The following HK3 variants were observed in gnomAD, a reference collection of about 807,000 sequenced individuals.
HK3 encodes hexokinase-3.
HK3 carries 93 observed loss-of-function variants against 91.0 expected under a neutral mutation model. That is an observed-to-expected ratio of 1.02 (90% CI 0.86 to 1.21). The LOEUF is 1.21. HK3 is among the 50% of genes most tolerant of loss of function. HK3 has a pLI of 0.00. For synonymous variants in HK3, 519 were observed against 516.9 expected, an observed-to-expected ratio of 1.00 and a Z score of -0.06; for missense variants, 1,235 against 1,247.4, an observed-to-expected ratio of 0.99 and a Z score of 0.15.
chr5:176,891,306 G>T (rs1334604055), intron 3 of HK3, 82 bp downstream of exon 3: 4 of 1,606,102 alleles, frequency 2.5e-6, no homozygotes, highest in South Asian at 1.1e-5. Context: ...AGAGATGGGG[G>T]ACAGGAATAA....
In HK3 at chr5:176,884,736, A is replaced by T. The variant is rs1358334496; in HGVS notation, c.1858-602T>A. On this transcript the variant is annotated intron_variant, in intron 13 of 18. Transcript: ENST00000292432. This position sits in a 1 kb window ranked among gnomAD's most constrained non-coding sequence, Gnocchi z 4.1. ...ACTTAAACTTAGTGACACGGGGCTC[A>T]ACTTTACCTGGAAAGGAATGCTGTT... 2.0e-5 allele frequency among the ~76,000 whole-genome samples: 3 copies of T among 152,182 alleles called. No homozygotes were observed. Among genetic ancestry groups the T allele is most frequent in the African/African-American group, 7.2e-5 (3 of 41,428 alleles).
rs777398682 is a variant in HK3 at position 176,890,957 on chromosome 5, G to T, written c.415-16C>A. 3.7e-6 allele frequency: 6 copies of T among 1,614,014 alleles called. No homozygotes were observed. The highest frequency in any genetic ancestry group is 4.2e-6 in the Non-Finnish European group (5 of 1,180,036). On this transcript the variant is annotated splice_polypyrimidine_tract_variant and intron_variant, in intron 4 of 18. Coordinates refer to ENST00000292432, the MANE Select transcript of HK3 (RefSeq NM_002115.3). ...AGTCAAAGAGCTGCAGGAGAAGTGG[G>T]GGGGCTCAGCCTTGCCCATCTGAGC...
At chr5:176,893,531 C>T (rs991340510) in intron 2 of HK3, among the ~76,000 whole-genome samples, 3 of 152,096 alleles carry the variant, frequency 2.0e-5, no homozygotes, top group Non-Finnish European at 2.9e-5. Context: ...CTGAGGGCCA[C>T]GAGGAGCACC....
At position 176,881,530 on chromosome 5, in the gene HK3, C is replaced by T. The variant is rs540302092; in HGVS notation, c.2399G>A (p.Ser800Asn). 5.0e-6 allele frequency: 8 copies of T among 1,602,092 alleles called. No homozygotes were observed. The East Asian group carries it at 1.6e-4, about 31-fold the overall frequency. Reference protein sequence around the residue: ...TKFLSEIESDSLALRQVRAIL... With the variant: ...TKFLSEIESDNLALRQVRAIL... ...GGCTCGGACCTGCCGCAGGGCCAGG[C>T]TGTCACTGGGGGCCAGGAAGGAAGA... Residue 800 changes from serine (S) to asparagine (N), a missense_variant, in exon 18 of 19, where the codon AGC becomes AAC. Ser to Asn is a conservative substitution (Grantham distance 46). Coordinates refer to ENST00000292432, the MANE Select transcript of HK3 (RefSeq NM_002115.3).
chr5:176,889,578 C>G lies in HK3; in HGVS notation c.731-14G>C. 2 of 1,614,136 alleles carry G rather than the reference C, an allele frequency of 1.2e-6. No homozygotes were observed. The highest frequency in any genetic ancestry group is 1.7e-6 in the Non-Finnish European group (2 of 1,179,956). On this transcript the variant is annotated splice_polypyrimidine_tract_variant and intron_variant, in intron 7 of 18. Coordinates refer to ENST00000292432, the MANE Select transcript of HK3 (RefSeq NM_002115.3). ...TGGTGCCCGTGTCTGGCAGAGACAA[C>G]CCTGTCAAGGCCTGCTAGCCAGGCA... is the stretch of plus-strand genomic sequence containing the variant.
chr5:176,881,186 C>G lies in HK3; in HGVS notation c.2659G>C (p.Glu887Gln), dbSNP rs945052976. Residue 887 changes from glutamate (E) to glutamine (Q), a missense_variant, in exon 19 of 19, where the codon GAG becomes CAG. Physicochemically the swap from Glu to Gln is conservative, Grantham distance 29. Coordinates refer to ENST00000292432, the MANE Select transcript of HK3 (RefSeq NM_002115.3). ...FSSLVAATVRELAPRCVVTFL... is the reference protein window; with the variant it reads ...FSSLVAATVRQLAPRCVVTFL... ...GTGACCACACAGCGAGGGGCCAGCT[C>G]CCGCACTGTGGCCGCCACCAGGCTG... 1 of 1,613,158 alleles carries G rather than the reference C, an allele frequency of 6.2e-7. No homozygotes were observed. The highest frequency in any genetic ancestry group is 8.5e-7 in the Non-Finnish European group (1 of 1,179,950).
chr5:176,898,491 A>C (rs1049393394), intron 1 of HK3, among the ~76,000 whole-genome samples: 5 of 124,418 alleles, frequency 4.0e-5, no homozygotes, highest in African/African-American at 2.3e-4. Flanking sequence ...TAAGGGCTAC[A>C]CACGTGTCTT....
chr5:176,890,858 G>A lies in HK3; in HGVS notation c.498C>T (p.Ser166=). Residue 166 remains serine (S), a synonymous_variant, in exon 5 of 19, where the codon AGC becomes AGT. Transcript: ENST00000292432. The stretch of plus-strand genomic sequence containing the variant: ...CCGTCTGGTGACAAGGGAAAGAGAA[G>A]CTGAAGCCAAGCTGCAGACCCTGTT... ...VNKQGLQLGF[S]FSFPCHQTGL... is the part of the protein sequence containing the mutation. The A allele has an allele frequency of 1.2e-6, 2 of 1,614,136 alleles. No individual in the cohort carries two copies. Among genetic ancestry groups the A allele is most frequent in the South Asian group, 1.1e-5 (1 of 91,090 alleles).
intron 2 of HK3, among the ~76,000 whole-genome samples, chr5:176,893,032 G>A (rs1561685578): frequency 6.6e-6 from 1 of 152,204 alleles, no homozygotes; most frequent in Non-Finnish European, 1.5e-5. Flanking sequence ...TGCAGACCCT[G>A]TTTGCTCACA....
At position 176,891,524 on chromosome 5, in the gene HK3, C is replaced by T. The variant is rs964572283; in HGVS notation, c.123G>A (p.Lys41=). The T allele has an allele frequency of 1.6e-5, 26 of 1,613,528 alleles. No individual in the cohort carries two copies. The highest frequency in any genetic ancestry group is 1.2e-4 in the African/African-American group (9 of 74,912). The change falls in exon 3 of 19, where the codon AAG becomes AAA. Residue 41 remains lysine (K), a synonymous_variant. Transcript: ENST00000292432. Reference sequence around the variant, plus strand: ...TCTGCTGTAGCTGTGCCCTTGTCACCTTGAACTGCTGCAGGCACTCCTGCA... The same window carrying T: ...TCTGCTGTAGCTGTGCCCTTGTCACTTTGAACTGCTGCAGGCACTCCTGCA... ...ELVQECLQQF[K]VTRAQLQQIQ... is the part of the protein sequence containing the mutation.
intron 2 of HK3, among the ~76,000 whole-genome samples, chr5:176,895,699 T>A (rs190577380): frequency 1.2e-4 from 19 of 152,276 alleles, no homozygotes; most frequent in South Asian, 2.1e-4. Context: ...AACACAACTT[T>A]TGACCAGATA....
rs1394218955 is a variant in HK3, at chr5:176,881,799, GT to G, written c.2285del (p.His762ProfsTer6). The G allele has an allele frequency of 6.2e-7, 1 of 1,614,052 alleles. No homozygotes were observed. Among genetic ancestry groups the G allele is most frequent in the African/African-American group, 1.3e-5 (1 of 74,934 alleles). On this transcript the variant is annotated frameshift_variant, in exon 17 of 19. Coordinates refer to ENST00000292432, the MANE Select transcript of HK3 (RefSeq NM_002115.3). LOFTEE classifies it high-confidence loss of function. ...CAAGGCTGGTTAAATGTAAAAGGATGTGGCGGACGATCTCCCCCAGGTACAT... is the reference window on the plus strand; with the variant it reads ...CAAGGCTGGTTAAATGTAAAAGGATGGGCGGACGATCTCCCCCAGGTACAT... ...SGMYLGEIVR[H>X]ILLHLTSLGV...
chr5:176,889,987 C>T (rs1368506579), intron 6 of HK3, among the ~76,000 whole-genome samples: 1 of 152,128 alleles, frequency 6.6e-6, no homozygotes, highest in Non-Finnish European at 1.5e-5. Context: ...GTCACAGTGA[C>T]GTCCACCCTC....
intron 13 of HK3, among the ~76,000 whole-genome samples, chr5:176,885,587 A>G (rs1758564590): frequency 6.6e-6 from 1 of 151,714 alleles, no homozygotes; most frequent in Admixed American, 6.6e-5. Flanking sequence ...ACGCCCGGCT[A>G]ATTTTTGTAT....
chr5:176,888,169 C>T (rs1169548296), intron 10 of HK3, among the ~76,000 whole-genome samples, 163 bp downstream of exon 10: 2 of 152,186 alleles, frequency 1.3e-5, no homozygotes, highest in Non-Finnish European at 2.9e-5. Context: ...CGTTTCTCTC[C>T]TTGGATGTCT....
chr5:176,892,611 C>A (rs1758807808), intron 2 of HK3, among the ~76,000 whole-genome samples: 1 of 152,188 alleles, frequency 6.6e-6, no homozygotes. Context: ...TGAAGGGTCA[C>A]AGCCTGGCAA....
Position 176,881,921 on chromosome 5 carries a change from C to A in HK3, c.2237+23G>T, listed in dbSNP as rs376072238. On this transcript the variant is annotated intron_variant, in intron 16 of 18. Transcript: ENST00000292432. Reference sequence around the variant, plus strand: ...CCCAGCACCGGTCACAGCCAGCCACCACTGCCTGGGCCCAGCCCACACCTC... The same window carrying A: ...CCCAGCACCGGTCACAGCCAGCCACAACTGCCTGGGCCCAGCCCACACCTC... 96 of 1,612,718 alleles carry A rather than the reference C, an allele frequency of 6.0e-5. No homozygotes were observed. In the African/African-American group the frequency reaches 1.1e-3, roughly 18 times the overall value.
At chr5:176,885,700 G>A (rs145717081) in intron 13 of HK3, among the ~76,000 whole-genome samples, 1,883 of 152,156 alleles carry the variant, frequency 0.012, 13 homozygotes, top group Middle Eastern at 0.034. Context: ...GATTACAAGC[G>A]TGAGCCACCG....
Position 176,889,471 on chromosome 5 carries a change from C to A in HK3, c.824G>T (p.Gly275Val). 2 of 1,614,202 alleles carry A rather than the reference C, an allele frequency of 1.2e-6. No homozygotes were observed. Among genetic ancestry groups the A allele is most frequent in the African/African-American group, 1.3e-5 (1 of 75,064 alleles). ...CAGCGCCCCATCATCGCTGAAGGAG[C>A]CCCACTCGACGCTGACGCAGACGCG... is the stretch of plus-strand genomic sequence containing the variant. The part of the protein sequence containing the change: ...RGRVCVSVEW[G>V]SFSDDGALGP... The change falls in exon 8 of 19, where the codon GGC becomes GTC. Residue 275 changes from glycine (G) to valine (V), a missense_variant. Transcript: ENST00000292432.
Sources: gnomAD v4.1 joint callset for allele counts (sites outside exome capture counted in the v4.1 genomes callset) on GRCh38, gnomAD v4.1.1 for gene constraint, Gnocchi (gnomAD v3.1) non-coding constraint, MANE v1.5 for transcripts, NCBI Gene and HGNC (gene_info 2026-07-23, HGNC 2026-07-21) for gene names.